HNF4A: variants seen among roughly 807,000 people sequenced by gnomAD.
The protein encoded by HNF4A is hepatocyte nuclear factor 4-alpha.
Under a neutral mutation model 52.4 loss-of-function variants are expected in HNF4A, and 15 were observed. The ratio of observed to expected loss-of-function variants is 0.29; its 90% CI spans 0.19 to 0.44. The LOEUF (loss-of-function observed/expected upper bound fraction) is 0.44. Ranked by LOEUF, HNF4A falls within the 20% of genes least tolerant of loss-of-function variation. The probability of loss-of-function intolerance (pLI) is 1.00; values close to 1 mark genes in which losing one functional copy is unlikely to be tolerated. For synonymous variants in HNF4A, 280 were observed against 264.4 expected (o/e 1.06, Z -0.57); for missense variants, 479 against 647.2 (o/e 0.74, Z 2.82).
chr20:44,356,421 G>C (rs1236771272), intron 1 of HNF4A, among the ~76,000 whole-genome samples: 1 of 152,178 alleles, frequency 6.6e-6, no homozygotes, highest in East Asian at 1.9e-4. Context: ...GTGTTACTGA[G>C]AGTGAAAGGC....
chr20:44,433,829 A>C (rs1162162048), downstream of HNF4A: 1 of 152,212 alleles, frequency 6.6e-6, no homozygotes, highest in East Asian at 1.9e-4. Flanking sequence ...ACAGCGTTCC[A>C]TTCACTCGGG....
At chr20:44,397,933 T>C (rs959286982), upstream of HNF4A, among the ~76,000 whole-genome samples, 1 of 152,174 alleles carries the variant, frequency 6.6e-6, no homozygotes, top group Admixed American at 6.5e-5. Context: ...GGCCTGAAAC[T>C]TTCAAGGTCT....
intron 1 of HNF4A, among the ~76,000 whole-genome samples, chr20:44,379,467 T>G (rs2063126067): frequency 6.6e-6 from 1 of 152,146 alleles, no homozygotes. Flanking sequence ...CACCAACACT[T>G]ACTATTGTCT....
downstream of HNF4A, chr20:44,434,275 C>G (rs974743354): frequency 2.0e-5 from 3 of 152,296 alleles, no homozygotes; most frequent in African/African-American, 7.2e-5. Context: ...GGAATGAGAT[C>G]ACAGTAACTG....
intron 1 of HNF4A, among the ~76,000 whole-genome samples, chr20:44,383,747 T>G (rs992288121): frequency 2.0e-5 from 3 of 152,030 alleles, no homozygotes; most frequent in South Asian, 2.1e-4. Flanking sequence ...AGAGACAGGA[T>G]ATCACCATGT....
intron 1 of HNF4A, among the ~76,000 whole-genome samples, chr20:44,357,679 T>C (rs1328360227): frequency 1.3e-5 from 2 of 152,252 alleles, no homozygotes; most frequent in African/African-American, 4.8e-5. Context: ...ATTATTAGAA[T>C]GGTTGCTTCT....
At chr20:44,414,748 G>T (rs2063639200) in intron 5 of HNF4A, 86 bp downstream of exon 5, 1 of 1,294,662 alleles carries the variant, frequency 7.7e-7, no homozygotes, top group South Asian at 1.3e-5. Context: ...TATAGCCGTG[G>T]ACTGGCTTGA....
At chr20:44,376,214 G>A (rs544644680) in intron 1 of HNF4A, among the ~76,000 whole-genome samples, 2 of 152,282 alleles carry the variant, frequency 1.3e-5, no homozygotes, top group South Asian at 2.1e-4. Flanking sequence ...GCAGTGAGCC[G>A]AGATCATGCC....
intron 3 of HNF4A, 93 bp from the exon 4 acceptor site, chr20:44,413,601 C>A (rs1404873137): frequency 8.2e-6 from 7 of 855,180 alleles, no homozygotes; most frequent in South Asian, 2.8e-5. Flanking sequence ...GGACACCCCC[C>A]ACCTCCTGCT....
chr20:44,416,006 C>T (rs542787573), intron 5 of HNF4A, among the ~76,000 whole-genome samples: 1 of 152,156 alleles, frequency 6.6e-6, no homozygotes, highest in African/African-American at 2.4e-5. Context: ...CAAGATACCC[C>T]CAACCTGAGC....
chr20:44,371,018 G>A (rs2063028014), intron 1 of HNF4A, among the ~76,000 whole-genome samples: 1 of 152,226 alleles, frequency 6.6e-6, no homozygotes, highest in Admixed American at 6.5e-5. Flanking sequence ...GGCAGAGGAG[G>A]TGGGGAGACA....
At position 44,411,083 on chromosome 20, in the gene HNF4A, G is replaced by T. The variant is rs116098664; in HGVS notation, c.386-2611G>T. ...GCCAGGGAGACAGACACCTGCCTTG[G>T]CCTAAGCTGTCAGGCCCAGGACAAA... is the stretch of plus-strand genomic sequence containing the variant. On this transcript the variant is annotated intron_variant, in intron 3 of 9. Transcript: ENST00000316099. 6.2e-3 allele frequency among the ~76,000 whole-genome samples: 949 copies of T among 152,280 alleles called. 6 individuals are homozygous for T. The highest frequency in any genetic ancestry group is 0.021 in the African/African-American group (873 of 41,552).
rs912798131 is a variant in HNF4A, at chr20:44,390,613, G to A, written c.50-15445G>A. 1.0e-5 allele frequency: 7 copies of A among 702,498 alleles called. No homozygotes were observed. The East Asian group carries it at 1.9e-4, about 19-fold the overall frequency. The allele number at this position is 702,498 out of a possible 1,614,324, so 43.5% of individuals were successfully genotyped here. Reference sequence around the variant, plus strand: ...CAAGGATGAAGAGGTTGTGCACTGTGCGGGACCCCATAGCAGCAGGAGGAG... The same window carrying A: ...CAAGGATGAAGAGGTTGTGCACTGTACGGGACCCCATAGCAGCAGGAGGAG... On this transcript the variant is annotated intron_variant, in intron 1 of 9. Transcript: ENST00000316673.
At chr20:44,369,249 CAAAA>C (rs751374772) in intron 1 of HNF4A, among the ~76,000 whole-genome samples, 2 of 24,822 alleles carry the variant, frequency 8.1e-5, no homozygotes, top group African/African-American at 1.8e-4. Context: ...AACTCCATCT[CAAAA>C]AAAAAAAAAA....
At chr20:44,418,603 C>A in intron 6 of HNF4A, 91 bp downstream of exon 6, 1 of 988,638 alleles carries the variant, frequency 1.0e-6, no homozygotes, top group Non-Finnish European at 1.6e-6. Flanking sequence ...TGGTGGCATG[C>A]AAGGGTGAGG....
chr20:44,377,944 T>C (rs906738695), intron 1 of HNF4A: 1 of 152,192 alleles, frequency 6.6e-6, no homozygotes, highest in Non-Finnish European at 1.5e-5. Flanking sequence ...TCTTAGACAG[T>C]GGATATCAAC....
chr20:44,429,528 CCT>C lies in HNF4A; in HGVS notation c.1289_1290del (p.Pro430ArgfsTer14). Reference sequence around the variant, plus strand: ...CTGTCTGTTTGTCCTTCCAGCCACCCCTGAGACCCCACAGCCCTCACCGCCAG... The same window carrying C: ...CTGTCTGTTTGTCCTTCCAGCCACCCGAGACCCCACAGCCCTCACCGCCAG... On this transcript the variant is annotated frameshift_variant, in exon 10 of 10. Transcript: ENST00000316099. LOFTEE classifies it high-confidence loss of function. The C allele has an allele frequency of 6.2e-7, 1 of 1,614,126 alleles. No individual in the cohort carries two copies. The highest frequency in any genetic ancestry group is 8.5e-7 in the Non-Finnish European group (1 of 1,180,028).
At chr20:44,371,827 ATAAAT>A (rs776739274) in intron 1 of HNF4A, among the ~76,000 whole-genome samples, 3 of 152,236 alleles carry the variant, frequency 2.0e-5, no homozygotes, top group East Asian at 3.9e-4. Context: ...TGTCAAAAAA[ATAAAT>A]TAAAGAAAAT....
rs149784086 is a variant in HNF4A at position 44,387,237 on chromosome 20, G to A, written c.50-18821G>A. On this transcript the variant is annotated intron_variant, in intron 1 of 9. Transcript: ENST00000316673. Reference sequence around the variant, plus strand: ...TGGGAGGCGGAGGTTGCAGCAAGCCGAGATCGTGCCATTGCTCTCCAGCCT... The same window carrying A: ...TGGGAGGCGGAGGTTGCAGCAAGCCAAGATCGTGCCATTGCTCTCCAGCCT... Among the ~76,000 whole-genome samples the A allele has an allele frequency of 5.7e-3, 839 of 146,330 alleles. 8 individuals are homozygous for A. Among genetic ancestry groups the A allele is most frequent in the African/African-American group, 0.02 (777 of 39,382 alleles).
Sources: allele counts gnomAD v4.1 joint callset (sites outside exome capture counted in the v4.1 genomes callset), GRCh38; gene constraint gnomAD v4.1.1; transcripts MANE v1.5; gene names NCBI Gene and HGNC (gene_info 2026-07-23, HGNC 2026-07-21).